Variants in COL4A2 observed in about 807,000 individuals in gnomAD.
COL4A2 encodes the protein collagen type IV alpha 2 chain.
Under a neutral mutation model 200.2 loss-of-function variants are expected in COL4A2, and 99 were observed. That is an observed-to-expected ratio of 0.49 (90% CI 0.42 to 0.58). COL4A2 has a LOEUF of 0.58. Ranked by LOEUF, COL4A2 falls within the 20% of genes least tolerant of loss-of-function variation. COL4A2 has a pLI of 0.00. For synonymous variants in COL4A2, 897 were observed against 900.6 expected, an observed-to-expected ratio of 1.00 and a Z score of 0.07; for missense variants, 1,950 against 2,314.1, an observed-to-expected ratio of 0.84 and a Z score of 3.23.
At chr13:110,378,093 A>G (rs1878317752) in intron 4 of COL4A2, among the ~76,000 whole-genome samples, 1 of 152,242 alleles carries the variant, frequency 6.6e-6, no homozygotes, top group Admixed American at 6.5e-5. Flanking sequence ...AGGCGTCTCG[A>G]ATCGAGATGT....
chr13:110,399,867 G>T (rs536726747), intron 4 of COL4A2, among the ~76,000 whole-genome samples: 4 of 152,196 alleles, frequency 2.6e-5, no homozygotes, highest in Admixed American at 2.0e-4. Flanking sequence ...GTTTGCTTTG[G>T]TCATGGCTTC....
intron 29 of COL4A2, among the ~76,000 whole-genome samples, chr13:110,474,066 G>A (rs1882582464): frequency 6.6e-6 from 1 of 152,116 alleles, no homozygotes; most frequent in Non-Finnish European, 1.5e-5. Context: ...ATTGTAGATT[G>A]CAGTGAGCTA....
intron 6 of COL4A2, 108 bp downstream of exon 6, chr13:110,425,105 C>G: frequency 7.7e-7 from 1 of 1,296,546 alleles, no homozygotes; most frequent in South Asian, 1.3e-5. Context: ...TTGTTTATGA[C>G]ATAAAACACG....
intron 3 of COL4A2, among the ~76,000 whole-genome samples, chr13:110,326,645 A>G (rs1265615564): frequency 6.6e-6 from 1 of 152,148 alleles, no homozygotes; most frequent in African/African-American, 2.4e-5. Context: ...GGGCGAGGTC[A>G]CACAGAGGGG....
At chr13:110,395,005 C>A (rs1566510226) in intron 4 of COL4A2, among the ~76,000 whole-genome samples, 1 of 152,108 alleles carries the variant, frequency 6.6e-6, no homozygotes, top group Admixed American at 6.5e-5. Flanking sequence ...GGGTGCAGCA[C>A]GTCTCCGGGG....
At chr13:110,350,646 A>T (rs540538069) in intron 3 of COL4A2, among the ~76,000 whole-genome samples, 3 of 152,302 alleles carry the variant, frequency 2.0e-5, no homozygotes, top group South Asian at 2.1e-4. Flanking sequence ...CTATCTCTAA[A>T]CAAAGCCTGT....
intron 21 of COL4A2, 88 bp downstream of exon 21, chr13:110,457,523 AC>A: frequency 1.3e-6 from 1 of 790,094 alleles, no homozygotes; most frequent in Non-Finnish European, 2.2e-6. Flanking sequence ...TCCCCCACTC[AC>A]GTGTTTGGAC....
intron 7 of COL4A2, among the ~76,000 whole-genome samples, chr13:110,429,588 T>C (rs1208931580): frequency 6.6e-6 from 1 of 152,214 alleles, no homozygotes; most frequent in Admixed American, 6.5e-5. Context: ...AAAATAACAT[T>C]GGCATACTAG....
chr13:110,425,444 T>C (rs1464048996), intron 6 of COL4A2, among the ~76,000 whole-genome samples: 1 of 152,228 alleles, frequency 6.6e-6, no homozygotes, highest in East Asian at 1.9e-4. Context: ...GCATGGTTTG[T>C]TCATGAGAAA....
intron 19 of COL4A2, 144 bp from the exon 20 acceptor site, chr13:110,450,161 T>C (rs1881484307): frequency 1.5e-6 from 1 of 679,368 alleles, no homozygotes; most frequent in South Asian, 1.8e-5. Context: ...GATAATGAAC[T>C]ATACCAATGG....
chr13:110,485,076 G>A (rs1449922727), intron 33 of COL4A2, 49 bp downstream of exon 33: 2 of 1,485,764 alleles, frequency 1.3e-6, no homozygotes, highest in African/African-American at 1.4e-5. Flanking sequence ...TGCCGCCCCA[G>A]CCCGCACCAG....
chr13:110,327,990 G>A (rs75837767), intron 3 of COL4A2, among the ~76,000 whole-genome samples: 1,855 of 152,244 alleles, frequency 0.012, 42 homozygotes, highest in African/African-American at 0.043. Context: ...AAATGATGAA[G>A]TGATGTATAG....
At chr13:110,408,299 G>A (rs1370810911) in intron 4 of COL4A2, among the ~76,000 whole-genome samples, 4 of 152,218 alleles carry the variant, frequency 2.6e-5, no homozygotes, top group African/African-American at 9.7e-5. Flanking sequence ...GAAGAAGAGT[G>A]TCAGGCCAGA....
intron 4 of COL4A2, among the ~76,000 whole-genome samples, chr13:110,394,413 G>A (rs1233769844): frequency 3.9e-5 from 6 of 152,124 alleles, no homozygotes; most frequent in South Asian, 2.1e-4. Context: ...CATGACATTC[G>A]CACAAGTAGA....
intron 4 of COL4A2, among the ~76,000 whole-genome samples, chr13:110,359,713 C>T (rs1877435759): frequency 6.6e-6 from 1 of 152,134 alleles, no homozygotes; most frequent in African/African-American, 2.4e-5. Flanking sequence ...CTCCTGTGTC[C>T]CCTCCACAAA....
intron 3 of COL4A2, among the ~76,000 whole-genome samples, chr13:110,311,276 G>C (rs1328612479): frequency 3.3e-5 from 5 of 152,322 alleles, no homozygotes. Flanking sequence ...CAGGTGATCT[G>C]TGTGGGCACC....
intron 7 of COL4A2, 58 bp from the exon 8 acceptor site, chr13:110,429,827 C>A: frequency 1.3e-6 from 2 of 1,539,870 alleles, no homozygotes; most frequent in Non-Finnish European, 1.8e-6. Context: ...ATAGCTGCAC[C>A]GAATGTTAAT....
chr13:110,439,209 G>T (rs1440185046), intron 15 of COL4A2, among the ~76,000 whole-genome samples: 5 of 152,186 alleles, frequency 3.3e-5, no homozygotes, highest in African/African-American at 1.2e-4. Flanking sequence ...GCTGGGACGG[G>T]TGGTCAGAGC....
intron 16 of COL4A2, among the ~76,000 whole-genome samples, chr13:110,444,992 A>T (rs1376323247): frequency 6.6e-6 from 1 of 152,154 alleles, no homozygotes; most frequent in African/African-American, 2.4e-5. Context: ...CTGGGACTGC[A>T]GGTGCCTGCC....
Sources: gnomAD v4.1 joint callset for allele counts (sites outside exome capture counted in the v4.1 genomes callset) on GRCh38, gnomAD v4.1.1 for gene constraint, MANE v1.5 for transcripts, NCBI Gene and HGNC (gene_info 2026-07-23, HGNC 2026-07-21) for gene names.